Variants in STK39 observed in about 807,000 individuals in gnomAD.
The protein encoded by STK39 is serine/threonine kinase 39.
A neutral mutation model predicts 77.8 loss-of-function variants in STK39; 20 were observed. The ratio of observed to expected loss-of-function variants is 0.26; its 90% CI spans 0.18 to 0.37. STK39 has a LOEUF of 0.37. Ranked by LOEUF, STK39 falls within the 10% of genes least tolerant of loss-of-function variation. The pLI is 1.00. For synonymous variants in STK39, 246 were observed against 234.1 expected (o/e 1.05, Z -0.47); for missense variants, 479 against 656.5 (o/e 0.73, Z 2.95).
chr2:168,219,574 C>G (rs1194568807), intron 1 of STK39, among the ~76,000 whole-genome samples: 1 of 152,088 alleles, frequency 6.6e-6, no homozygotes, highest in Non-Finnish European at 1.5e-5. Flanking sequence ...CAGACAGATG[C>G]CCTTAGCTAA....
chr2:168,080,546 CGTGAA>C (rs1217754025), intron 10 of STK39, among the ~76,000 whole-genome samples: 2 of 152,042 alleles, frequency 1.3e-5, no homozygotes, highest in African/African-American at 4.8e-5. Flanking sequence ...AGGAGAATGA[CGTGAA>C]CCTGGGAGGC....
chr2:167,979,292 C>T (rs182211004), intron 16 of STK39, among the ~76,000 whole-genome samples: 7 of 152,200 alleles, frequency 4.6e-5, no homozygotes, highest in Non-Finnish European at 7.4e-5. Context: ...ACATTCCCAC[C>T]GGCAGTGTAT....
intron 1 of STK39, among the ~76,000 whole-genome samples, chr2:168,187,939 A>G (rs1350241353): frequency 6.6e-6 from 1 of 152,144 alleles, no homozygotes; most frequent in Non-Finnish European, 1.5e-5. Context: ...GGAAGTTCTA[A>G]TCACCATATT....
At chr2:168,065,933 C>T (rs1292187674) in intron 12 of STK39, among the ~76,000 whole-genome samples, 2 of 152,180 alleles carry the variant, frequency 1.3e-5, no homozygotes, top group South Asian at 4.2e-4. Flanking sequence ...AAGTTAGAAA[C>T]CCAACTCTAA....
chr2:167,987,285 G>A (rs1017461033), intron 16 of STK39, among the ~76,000 whole-genome samples: 1 of 152,054 alleles, frequency 6.6e-6, no homozygotes, highest in East Asian at 1.9e-4. Context: ...CTTTTAGAGT[G>A]TTAAGAAGAG....
intron 17 of STK39, among the ~76,000 whole-genome samples, chr2:167,962,698 C>G (rs1340257513): frequency 1.3e-5 from 2 of 152,176 alleles, no homozygotes; most frequent in Non-Finnish European, 2.9e-5. Context: ...TCAGTCCCAG[C>G]CAATGTAAAT....
chr2:168,010,812 TCTC>T (rs755160009), intron 16 of STK39, among the ~76,000 whole-genome samples: 1 of 152,222 alleles, frequency 6.6e-6, no homozygotes, highest in Non-Finnish European at 1.5e-5. Flanking sequence ...AGAATTCTAA[TCTC>T]CCACTATAAA....
At position 168,075,096 on chromosome 2, in the gene STK39, C is replaced by T. The variant is rs200697439; in HGVS notation, c.1212+13G>A. The T allele has an allele frequency of 5.6e-5, 91 of 1,614,062 alleles. No homozygotes were observed. The highest frequency in any genetic ancestry group is 1.6e-4 in the Middle Eastern group (1 of 6,084). On this transcript the variant is annotated intron_variant, in intron 11 of 17. Transcript: ENST00000355999. ...TTTACACAGATTAGCTCATCGTCAA[C>T]GATGTCATTTACCTTTTCCTGAGAA...
intron 10 of STK39, among the ~76,000 whole-genome samples, chr2:168,076,083 A>G (rs1215203650): frequency 6.6e-6 from 1 of 152,194 alleles, no homozygotes; most frequent in African/African-American, 2.4e-5. Flanking sequence ...ACTAAGATGT[A>G]ATTAAACAAA....
At chr2:168,119,754 T>C (rs1269821588) in intron 10 of STK39, among the ~76,000 whole-genome samples, 1 of 152,216 alleles carries the variant, frequency 6.6e-6, no homozygotes, top group Non-Finnish European at 1.5e-5. Flanking sequence ...ATCAAGCATT[T>C]GAAATCACTC....
chr2:168,178,430 A>AT (rs1369606866), intron 2 of STK39, among the ~76,000 whole-genome samples: 5 of 152,360 alleles, frequency 3.3e-5, no homozygotes, highest in Admixed American at 3.3e-4. Context: ...CAAGAAAAAC[A>AT]TTTATTTGGG....
chr2:168,181,260 A>G (rs753945986), intron 2 of STK39, among the ~76,000 whole-genome samples: 61 of 152,196 alleles, frequency 4.0e-4, no homozygotes, highest in Non-Finnish European at 6.9e-4. Flanking sequence ...CAACAACGAT[A>G]TTTATGAGAT....
intron 16 of STK39, among the ~76,000 whole-genome samples, chr2:167,983,187 T>C (rs776993534): frequency 5.9e-5 from 9 of 152,042 alleles, no homozygotes; most frequent in Non-Finnish European, 1.0e-4. Flanking sequence ...GCATAGAAAT[T>C]GTAGGAAATA....
At chr2:168,139,158 A>T (rs1687912227) in intron 7 of STK39, among the ~76,000 whole-genome samples, 1 of 152,194 alleles carries the variant, frequency 6.6e-6, no homozygotes, top group Non-Finnish European at 1.5e-5. Flanking sequence ...GTCCTAGAGG[A>T]CGTCAGGCTG....
At chr2:168,106,574 CTTTGGGAGG>C (rs1686979681) in intron 10 of STK39, among the ~76,000 whole-genome samples, 1 of 152,134 alleles carries the variant, frequency 6.6e-6, no homozygotes, top group Admixed American at 6.5e-5. Flanking sequence ...AATCCCAGCA[CTTTGGGAGG>C]CCAAGGCAGG....
intron 2 of STK39, among the ~76,000 whole-genome samples, chr2:168,170,272 G>T (rs533483127): frequency 1.2e-4 from 18 of 152,200 alleles, no homozygotes; most frequent in Non-Finnish European, 2.2e-4. Flanking sequence ...TGCCCTAACC[G>T]CATTCATATG....
intron 14 of STK39, among the ~76,000 whole-genome samples, chr2:168,047,027 T>TA (rs943341990): frequency 6.0e-5 from 9 of 150,554 alleles, no homozygotes; most frequent in South Asian, 2.1e-4. Flanking sequence ...AAAAACAACT[T>TA]AAAAAAAAAG....
At chr2:168,105,841 C>T (rs1458208637) in intron 10 of STK39, among the ~76,000 whole-genome samples, 1 of 152,196 alleles carries the variant, frequency 6.6e-6, no homozygotes, top group Non-Finnish European at 1.5e-5. Context: ...CAGAACTTCA[C>T]TTTAGCACTG....
At chr2:167,979,564 T>A (rs1236589105) in intron 16 of STK39, among the ~76,000 whole-genome samples, 3 of 152,168 alleles carry the variant, frequency 2.0e-5, no homozygotes, top group Non-Finnish European at 4.4e-5. Flanking sequence ...GAAACAGAAG[T>A]TTTTATTAGG....
Sources: gnomAD v4.1 joint callset for allele counts (sites outside exome capture counted in the v4.1 genomes callset) on GRCh38, gnomAD v4.1.1 for gene constraint, MANE v1.5 for transcripts, NCBI Gene and HGNC (gene_info 2026-07-23, HGNC 2026-07-21) for gene names.